ZNF106: variants seen among roughly 807,000 people sequenced by gnomAD.
ZNF106 encodes zinc finger protein 106, also known as SH3-domain binding protein 3.
Under a neutral mutation model 195.1 loss-of-function variants are expected in ZNF106, and 67 were observed. The ratio of observed to expected loss-of-function variants is 0.34; its 90% CI spans 0.28 to 0.42. The LOEUF is 0.42. Among genes scored for constraint, ZNF106 ranks in the 10% least tolerant of loss-of-function variants. The pLI, the probability that ZNF106 is intolerant of heterozygous loss-of-function variation, is 1.00. For synonymous variants in ZNF106, 784 were observed against 818.6 expected, an observed-to-expected ratio of 0.96 and a Z score of 0.72; for missense variants, 2,118 against 2,304.5, an observed-to-expected ratio of 0.92 and a Z score of 1.66.
chr15:42,430,535 G>A (rs530188063), intron 14 of ZNF106, among the ~76,000 whole-genome samples: 7 of 151,876 alleles, frequency 4.6e-5, no homozygotes, highest in East Asian at 1.9e-4. Flanking sequence ...GTGGGCCATC[G>A]CGCATGCCTA....
chr15:42,481,775 T>TC (rs1470361266), intron 1 of ZNF106, among the ~76,000 whole-genome samples: 3 of 152,194 alleles, frequency 2.0e-5, no homozygotes, highest in African/African-American at 4.8e-5. Flanking sequence ...TTCTGATGAT[T>TC]CGTCAGTGGT....
At chr15:42,470,439 G>A (rs982290666) in intron 2 of ZNF106, among the ~76,000 whole-genome samples, 1 of 151,286 alleles carries the variant, frequency 6.6e-6, no homozygotes, top group African/African-American at 2.4e-5. Flanking sequence ...ACTTAAAGCA[G>A]GCCATTCCCT....
chr15:42,417,398 C>G, intron 21 of ZNF106, 38 bp from the exon 22 acceptor site: 1 of 1,610,772 alleles, frequency 6.2e-7, no homozygotes. Context: ...AGAGAGAAGT[C>G]GATAGTAAGA....
intron 2 of ZNF106, among the ~76,000 whole-genome samples, chr15:42,469,780 G>C (rs1249174185): frequency 2.0e-5 from 3 of 151,642 alleles, no homozygotes; most frequent in Non-Finnish European, 4.4e-5. Context: ...AGAGGTTGCA[G>C]TGAGCTGAGA....
intron 14 of ZNF106, among the ~76,000 whole-genome samples, chr15:42,433,740 T>A (rs2055157553): frequency 6.6e-6 from 1 of 152,126 alleles, no homozygotes; most frequent in Non-Finnish European, 1.5e-5. Context: ...CATTATTCTT[T>A]TAGTAATTAC....
chr15:42,430,194 C>A (rs990220542), intron 14 of ZNF106, among the ~76,000 whole-genome samples: 1 of 152,030 alleles, frequency 6.6e-6, no homozygotes, highest in Non-Finnish European at 1.5e-5. Context: ...AAAGACTACA[C>A]GTTAGAACCC....
In ZNF106 at chr15:42,437,252, C is replaced by T; in HGVS notation, c.4726G>A (p.Val1576Ile). Reference protein sequence around the residue: ...LLYTCSADKTVRVYNLVSRKC... With the variant: ...LLYTCSADKTIRVYNLVSRKC... ...CTTACCACCAGATTATAAACCCGAA[C>T]AGTTTTATCTGCTGAACAGGTATAT... Residue 1576 changes from valine (V) to isoleucine (I), a missense_variant, in exon 13 of 22, where the codon GTT (valine) becomes ATT (isoleucine). Transcript: ENST00000564754. The T allele has an allele frequency of 1.9e-6, 3 of 1,612,274 alleles. No individual in the cohort carries two copies. The highest frequency in any genetic ancestry group is 2.2e-5 in the East Asian group (1 of 44,764).
chr15:42,469,623 C>T (rs1409565481), intron 2 of ZNF106, among the ~76,000 whole-genome samples: 1 of 152,008 alleles, frequency 6.6e-6, no homozygotes, highest in Admixed American at 6.6e-5. Context: ...GGAAGGATCA[C>T]TTGAGCCTAG....
chr15:42,448,186 T>G lies in ZNF106; in HGVS notation c.3021A>C (p.Ala1007=). ...AACTGGAGATCGCAAGGGCTGAGGA[T>G]GCGCTTGATGACAGACAGTTTCCCT... ...NGEGNCLSSS[A]SSALAISSLA... Residue 1007 remains alanine (A), a synonymous_variant, in exon 6 of 22, where the codon GCA becomes GCC. Coordinates refer to ENST00000564754, the MANE Select transcript of ZNF106 (RefSeq NM_001366845.3). 1 of 1,614,178 alleles carries G rather than the reference T, an allele frequency of 6.2e-7. No homozygotes were observed. Among genetic ancestry groups the G allele is most frequent in the Non-Finnish European group, 8.5e-7 (1 of 1,180,014 alleles).
At position 42,421,056 on chromosome 15, in the gene ZNF106, C is replaced by T. The variant is rs2054636277; in HGVS notation, c.5517+5G>A. On this transcript the variant is annotated splice_donor_5th_base_variant and intron_variant, in intron 20 of 21. Transcript: ENST00000564754. ...TCCAGTGACAGGAAGAGTTTCACTC[C>T]TTACCCAACAGCGGTAATTCTGCAT... 6 of 1,613,886 alleles carry T rather than the reference C, an allele frequency of 3.7e-6. No homozygotes were observed. The East Asian group carries it at 1.3e-4, about 36-fold the overall frequency.
intron 20 of ZNF106, among the ~76,000 whole-genome samples, chr15:42,420,797 G>C (rs2054626392): frequency 6.6e-6 from 1 of 152,154 alleles, no homozygotes; most frequent in East Asian, 1.9e-4. Context: ...TGATGAGCGG[G>C]AGTAGAGGGG....
intron 6 of ZNF106, among the ~76,000 whole-genome samples, chr15:42,447,319 A>C (rs1190076342): frequency 6.6e-6 from 1 of 152,198 alleles, no homozygotes; most frequent in Non-Finnish European, 1.5e-5. Flanking sequence ...GTTCCAGAGC[A>C]GTATGGACAA....
chr15:42,466,028 T>C, intron 3 of ZNF106, 25 bp downstream of exon 3: 1 of 1,524,434 alleles, frequency 6.6e-7, no homozygotes, highest in Middle Eastern at 1.7e-4. Context: ...ATTCACAAAC[T>C]TATGGAAGAG....
intron 7 of ZNF106, 80 bp downstream of exon 7, chr15:42,446,509 G>A: frequency 9.4e-7 from 1 of 1,067,468 alleles, no homozygotes. Context: ...CCCAAGAGTT[G>A]GAGGTTACCA....
At position 42,475,448 on chromosome 15, in the gene ZNF106, T is replaced by TAAAAATA. The variant is rs572838312; in HGVS notation, c.-32-3134_-32-3128dup. 7.0e-3 allele frequency among the ~76,000 whole-genome samples: 1,071 copies of TAAAAATA among 151,956 alleles called. 7 individuals are homozygous for TAAAAATA. Among genetic ancestry groups the TAAAAATA allele is most frequent in the Middle Eastern group, 0.02 (6 of 294 alleles). Reference sequence around the variant, plus strand: ...CACAGCGAGACTCTGTCTCAAAAAATAAAAATAAAAAATAAAATTCAAAAC... The same window carrying TAAAAATA: ...CACAGCGAGACTCTGTCTCAAAAAATAAAAATAAAAAATAAAAAATAAAATTCAAAAC... On this transcript the variant is annotated intron_variant, in intron 1 of 21. Transcript: ENST00000564754.
chr15:42,449,901 T>C lies in ZNF106; in HGVS notation c.2371A>G (p.Thr791Ala), dbSNP rs1224064797. The C allele has an allele frequency of 3.7e-6, 6 of 1,614,204 alleles. No homozygotes were observed. The highest frequency in any genetic ancestry group is 5.1e-6 in the Non-Finnish European group (6 of 1,180,042). The change falls in exon 5 of 22, where the codon ACA becomes GCA. Residue 791 changes from threonine (T) to alanine (A), a missense_variant. Coordinates refer to ENST00000564754, the MANE Select transcript of ZNF106 (RefSeq NM_001366845.3). ...GGCTTGAGCCCAGACTCCTTCTCTGTCTCACTCTTTCGGTGACCGCTAATA... is the reference window on the plus strand; with the variant it reads ...GGCTTGAGCCCAGACTCCTTCTCTGCCTCACTCTTTCGGTGACCGCTAATA... Reference protein sequence around the residue: ...RNISGHRKSETEKESGLKPTL... With the variant: ...RNISGHRKSEAEKESGLKPTL...
Position 42,451,181 on chromosome 15 carries a change from G to A in ZNF106, c.1091C>T (p.Ala364Val), listed in dbSNP as rs543874417. 5.3e-5 allele frequency: 86 copies of A among 1,613,944 alleles called. No individual in the cohort carries two copies. The highest frequency in any genetic ancestry group is 7.7e-5 in the South Asian group (7 of 91,058). Residue 364 changes from alanine (A) to valine (V), a missense_variant, in exon 5 of 22, where the codon GCG becomes GTG. By Grantham distance (64) the Ala-to-Val change is moderately conservative (BLOSUM62 0). Coordinates refer to ENST00000564754, the MANE Select transcript of ZNF106 (RefSeq NM_001366845.3). ...TSKVSGKNGS[A>V]AREKPRRWTP... is the part of the protein sequence containing the mutation. ...CCAGCGACGAGGCTTTTCCCTTGCC[G>A]CACTGCCATTCTTTCCACTAACTTT...
Position 42,439,349 on chromosome 15 carries a change from C to A in ZNF106, c.4228G>T (p.Ala1410Ser). The A allele has an allele frequency of 6.2e-7, 1 of 1,614,104 alleles. No individual in the cohort carries two copies. Among genetic ancestry groups the A allele is most frequent in the Non-Finnish European group, 8.5e-7 (1 of 1,180,040 alleles). ...LTVKPVRKVKAGKLIKGGKVT... is the reference protein window; with the variant it reads ...LTVKPVRKVKSGKLIKGGKVT... The stretch of plus-strand genomic sequence containing the variant: ...TTCCCCCCTTTAATTAACTTTCCAG[C>A]TTTTACTTTCCTTACAGGTTTAACA... The change falls in exon 11 of 22, where the codon GCT becomes TCT. Residue 1410 changes from alanine to serine, a missense_variant. Coordinates refer to ENST00000564754, the MANE Select transcript of ZNF106 (RefSeq NM_001366845.3).
chr15:42,458,636 A>C lies in ZNF106; in HGVS notation c.117-1478T>G, dbSNP rs1057464251. Among the ~76,000 whole-genome samples the C allele has an allele frequency of 9.1e-4, 138 of 151,456 alleles. 1 individual carries two copies. The highest frequency in any genetic ancestry group is 3.1e-3 in the African/African-American group (130 of 41,294). The stretch of plus-strand genomic sequence containing the variant: ...GGCAGGAGAATCGCTTGAACCCAGG[A>C]GGCAAAGGTTGCAATGAGCCGAGAT... On this transcript the variant is annotated intron_variant, in intron 3 of 21. Transcript: ENST00000564754.
Sources: allele counts gnomAD v4.1 joint callset (sites outside exome capture counted in the v4.1 genomes callset), GRCh38; gene constraint gnomAD v4.1.1; transcripts MANE v1.5; gene names NCBI Gene and HGNC (gene_info 2026-07-23, HGNC 2026-07-21).